PDE12: variants seen among roughly 807,000 people sequenced by gnomAD.
PDE12 encodes the protein phosphodiesterase 12.
In PDE12, 26 loss-of-function variants were observed where a neutral mutation model predicts 45.4. The observed-to-expected ratio is 0.57, with a 90% CI of 0.42 to 0.79. The LOEUF (loss-of-function observed/expected upper bound fraction) is 0.79. Among genes scored for constraint, PDE12 ranks in the 30% least tolerant of loss-of-function variants. The pLI is 0.00. For missense variants in PDE12, 668 were observed against 790.0 expected (o/e 0.85, Z 1.85); for synonymous variants, 283 against 323.9 (o/e 0.87, Z 1.36).
At chr3:57,606,131 T>A in the PDE12 span, among the ~76,000 whole-genome samples, 179 of 152,242 alleles carry the variant, frequency 1.2e-3, no homozygotes, top group African/African-American at 3.9e-3. Context: ...CACGTATAGA[T>A]GCTTTACTAA....
the PDE12 span, among the ~76,000 whole-genome samples, chr3:57,645,935 C>A: frequency 3.2e-3 from 494 of 152,272 alleles, 6 homozygotes; most frequent in African/African-American, 0.011. Flanking sequence ...AAATGGCATA[C>A]TGAAAGAACA....
In PDE12 at chr3:57,560,755, G is replaced by A. The variant is rs2153407568; in HGVS notation, c.*751G>A. 1 of 985,416 alleles carries A rather than the reference G, an allele frequency of 1.0e-6. No homozygotes were observed. The highest frequency in any genetic ancestry group is 1.1e-4 in the East Asian group (1 of 8,804). The allele number at this position is 985,416 out of a possible 1,614,324, so 61.0% of individuals were successfully genotyped here. A position where few individuals can be genotyped will look rare whatever the true frequency, so the allele number is the denominator to read the frequency against. ...ATGAATCATGCTTATGTACTAAGAG[G>A]GAAAATGTATTTAAGTTAAGGGTGA... On this transcript the variant is annotated 3_prime_UTR_variant, in exon 3 of 3. Transcript: ENST00000311180.
the PDE12 span, among the ~76,000 whole-genome samples, chr3:57,622,503 G>C: frequency 3.3e-5 from 5 of 152,076 alleles, no homozygotes; most frequent in Admixed American, 6.6e-5. Flanking sequence ...AACCACTTTG[G>C]AACAGTTTGG....
the PDE12 span, among the ~76,000 whole-genome samples, chr3:57,589,548 T>A: frequency 6.6e-6 from 1 of 150,534 alleles, no homozygotes; most frequent in Non-Finnish European, 1.5e-5. Context: ...TGAAACCCAG[T>A]CTCTACTAAA....
the PDE12 span, among the ~76,000 whole-genome samples, chr3:57,622,105 G>A: frequency 1.3e-5 from 2 of 152,218 alleles, no homozygotes; most frequent in African/African-American, 4.8e-5. Flanking sequence ...GAACCCGGGA[G>A]GTGGAGGTTG....
chr3:57,584,560 T>C, the PDE12 span: 1 of 1,058,652 alleles, frequency 9.4e-7, no homozygotes, highest in Non-Finnish European at 1.4e-6. Context: ...AGAAGTTGAC[T>C]GTTCAAGACA....
chr3:57,610,269 G>A, the PDE12 span, among the ~76,000 whole-genome samples: 4 of 152,080 alleles, frequency 2.6e-5, no homozygotes, highest in Admixed American at 6.6e-5. Flanking sequence ...CAAACCCACA[G>A]CCAATATCAT....
At chr3:57,581,886 A>G in the PDE12 span, among the ~76,000 whole-genome samples, 1 of 152,242 alleles carries the variant, frequency 6.6e-6, no homozygotes. Flanking sequence ...CTGAAGCTGC[A>G]TAATACATAC....
chr3:57,608,754 T>C, the PDE12 span, among the ~76,000 whole-genome samples: 1 of 152,152 alleles, frequency 6.6e-6, no homozygotes, highest in Non-Finnish European at 1.5e-5. Flanking sequence ...CTTAGAGACC[T>C]AGAAAGAGAC....
the PDE12 span, among the ~76,000 whole-genome samples, chr3:57,643,006 C>CAAAAA: frequency 1.9e-5 from 2 of 104,558 alleles, no homozygotes. Flanking sequence ...GACTTCATCT[C>CAAAAA]AAAAAAAAAA....
At chr3:57,628,439 A>G in the PDE12 span, 1 of 1,454,968 alleles carries the variant, frequency 6.9e-7, no homozygotes, top group Non-Finnish European at 9.1e-7. Flanking sequence ...AGGTCTAACA[A>G]TTAGATACTT....
chr3:57,629,914 C>T, the PDE12 span, among the ~76,000 whole-genome samples: 1 of 152,142 alleles, frequency 6.6e-6, no homozygotes, highest in Non-Finnish European at 1.5e-5. Context: ...GATTAGAATC[C>T]TTACTCTACC....
the PDE12 span, among the ~76,000 whole-genome samples, chr3:57,593,546 G>C: frequency 2.6e-5 from 4 of 152,164 alleles, no homozygotes; most frequent in Non-Finnish European, 4.4e-5. Flanking sequence ...ACACTACACT[G>C]ATATCAGCAA....
chr3:57,574,615 C>T, the PDE12 span, among the ~76,000 whole-genome samples: 17 of 152,086 alleles, frequency 1.1e-4, no homozygotes, highest in South Asian at 2.1e-4. Context: ...CTTTGTTGCC[C>T]GGGCTGGTTT....
the PDE12 span, among the ~76,000 whole-genome samples, chr3:57,599,163 C>T: frequency 6.6e-6 from 1 of 152,142 alleles, no homozygotes; most frequent in African/African-American, 2.4e-5. Flanking sequence ...CAACTCAAAG[C>T]AAAGGCAGGA....
At chr3:57,640,254 G>C in the PDE12 span, among the ~76,000 whole-genome samples, 23 of 148,156 alleles carry the variant, frequency 1.6e-4, no homozygotes, top group East Asian at 4.2e-3. Flanking sequence ...GGGTGACAGA[G>C]TGAGACTCTG....
At chr3:57,613,294 C>T in the PDE12 span, among the ~76,000 whole-genome samples, 1 of 132,444 alleles carries the variant, frequency 7.6e-6, no homozygotes, top group East Asian at 2.3e-4. Flanking sequence ...AAAAAAAAAA[C>T]AACTTTTTTT....
the PDE12 span, among the ~76,000 whole-genome samples, chr3:57,582,305 T>C: frequency 1.3e-5 from 2 of 151,144 alleles, no homozygotes; most frequent in African/African-American, 4.9e-5. Flanking sequence ...TGCAATGGTG[T>C]GATCTCGGCT....
the PDE12 span, among the ~76,000 whole-genome samples, chr3:57,643,433 G>A: frequency 2.0e-5 from 3 of 151,932 alleles, no homozygotes; most frequent in East Asian, 3.9e-4. Context: ...ACACACACAC[G>A]CCTGGTTATA....
Sources: allele counts gnomAD v4.1 joint callset (sites outside exome capture counted in the v4.1 genomes callset), GRCh38; gene constraint gnomAD v4.1.1; transcripts MANE v1.5; gene names NCBI Gene and HGNC (gene_info 2026-07-23, HGNC 2026-07-21).